The following CACNG2 variants were observed in gnomAD, a reference collection of about 807,000 sequenced individuals.
CACNG2 encodes the protein calcium voltage-gated channel auxiliary subunit gamma 2, also known as voltage-dependent calcium channel gamma-2 subunit.
Under a neutral mutation model 25.9 loss-of-function variants are expected in CACNG2, and 3 were observed. The ratio of observed to expected loss-of-function variants is 0.12; its 90% confidence interval spans 0.05 to 0.30. The LOEUF (loss-of-function observed/expected upper bound fraction) is 0.30. Ranked by LOEUF, CACNG2 falls within the 10% of genes least tolerant of loss-of-function variation. The pLI is 1.00. For missense variants in CACNG2, 341 were observed against 432.5 expected, an observed-to-expected ratio of 0.79 and a Z score of 1.88; for synonymous variants, 167 against 173.3, an observed-to-expected ratio of 0.96 and a Z score of 0.29.
At chr22:36,622,900 A>T (rs1314268362) in intron 1 of CACNG2, among the ~76,000 whole-genome samples, 1 of 150,912 alleles carries the variant, frequency 6.6e-6, no homozygotes, top group Non-Finnish European at 1.5e-5. Context: ...CAGAGGTTGC[A>T]GTGGGCCAAG....
At chr22:36,660,022 G>T (rs2145982568) in intron 1 of CACNG2, among the ~76,000 whole-genome samples, 1 of 152,294 alleles carries the variant, frequency 6.6e-6, no homozygotes, top group South Asian at 2.1e-4. Context: ...GAGCAGATGG[G>T]GACAATCCCC....
chr22:36,572,586 C>T (rs1935250667), intron 2 of CACNG2, among the ~76,000 whole-genome samples: 2 of 152,078 alleles, frequency 1.3e-5, no homozygotes, highest in African/African-American at 4.8e-5. Context: ...CCTGTAGTCC[C>T]AGCTACTCGG....
intron 1 of CACNG2, among the ~76,000 whole-genome samples, chr22:36,616,432 G>A (rs182772306): frequency 4.6e-5 from 7 of 152,194 alleles, no homozygotes; most frequent in East Asian, 1.9e-4. Flanking sequence ...AAGGCTGCAC[G>A]CCATAGTCTA....
intron 1 of CACNG2, among the ~76,000 whole-genome samples, chr22:36,650,077 C>G (rs983751156): frequency 1.3e-5 from 2 of 152,174 alleles, no homozygotes; most frequent in Non-Finnish European, 2.9e-5. Flanking sequence ...TCCTCCTTTG[C>G]CTTTCTGCTT....
At chr22:36,630,965 G>A (rs933612418) in intron 1 of CACNG2, among the ~76,000 whole-genome samples, 2 of 152,104 alleles carry the variant, frequency 1.3e-5, no homozygotes, top group African/African-American at 4.8e-5. Flanking sequence ...CAAGTAGCTG[G>A]GTCTATAGGT....
chr22:36,634,383 A>G (rs1344775272), intron 1 of CACNG2, among the ~76,000 whole-genome samples: 1 of 152,214 alleles, frequency 6.6e-6, no homozygotes. Flanking sequence ...TGACTTCAGA[A>G]GCTGTGTGTT....
intron 1 of CACNG2, among the ~76,000 whole-genome samples, chr22:36,657,893 C>A (rs1471040104): frequency 1.3e-5 from 2 of 151,868 alleles, no homozygotes; most frequent in East Asian, 3.9e-4. Context: ...GGTGCTGGGG[C>A]AAAGAAAATC....
At chr22:36,696,642 G>A (rs1937345209) in intron 1 of CACNG2, among the ~76,000 whole-genome samples, 2 of 152,190 alleles carry the variant, frequency 1.3e-5, no homozygotes, top group South Asian at 4.1e-4. Context: ...AGTGGTGAGA[G>A]ACAGACACCA....
chr22:36,634,668 C>T (rs1936328099), intron 1 of CACNG2, among the ~76,000 whole-genome samples: 2 of 152,212 alleles, frequency 1.3e-5, no homozygotes, highest in African/African-American at 4.8e-5. Context: ...TTAGCTCTTA[C>T]TATCCTCTTG....
chr22:36,642,049 T>C (rs1936449230), intron 1 of CACNG2, among the ~76,000 whole-genome samples: 1 of 152,028 alleles, frequency 6.6e-6, no homozygotes, highest in Admixed American at 6.5e-5. Context: ...TGATCCCTGC[T>C]GAGAGAGAGA....
intron 1 of CACNG2, among the ~76,000 whole-genome samples, chr22:36,660,899 C>A (rs1936782847): frequency 6.6e-6 from 1 of 152,208 alleles, no homozygotes; most frequent in Non-Finnish European, 1.5e-5. Context: ...CTCTGTGCCT[C>A]AGTTTCCTCA....
chr22:36,659,300 G>A (rs1179968906), intron 1 of CACNG2, among the ~76,000 whole-genome samples: 1 of 152,110 alleles, frequency 6.6e-6, no homozygotes, highest in Admixed American at 6.5e-5. Context: ...CTGGGACAGG[G>A]CCACGTGGAG....
chr22:36,652,523 A>G (rs1220773658), intron 1 of CACNG2, among the ~76,000 whole-genome samples: 1 of 152,198 alleles, frequency 6.6e-6, no homozygotes. Context: ...CTCAGGCCTC[A>G]GGCTCTTTCT....
intron 1 of CACNG2, among the ~76,000 whole-genome samples, chr22:36,670,398 T>C (rs994593990): frequency 3.3e-5 from 5 of 152,318 alleles, no homozygotes; most frequent in East Asian, 1.9e-4. Flanking sequence ...TTTGGGCTGA[T>C]TGGCTTGTTT....
chr22:36,594,608 A>T (rs112756128), intron 1 of CACNG2, among the ~76,000 whole-genome samples: 3,904 of 152,242 alleles, frequency 0.026, 123 homozygotes, highest in Admixed American at 0.084. Flanking sequence ...CCTCCTGAGG[A>T]GGAGCAGGTG....
At chr22:36,605,891 G>A (rs1935823923) in intron 1 of CACNG2, among the ~76,000 whole-genome samples, 1 of 152,184 alleles carries the variant, frequency 6.6e-6, no homozygotes, top group Non-Finnish European at 1.5e-5. Flanking sequence ...AAACAGGATG[G>A]TTCAAATGAC....
chr22:36,629,516 G>A (rs1000677872), intron 1 of CACNG2, among the ~76,000 whole-genome samples: 1 of 152,074 alleles, frequency 6.6e-6, no homozygotes, highest in Non-Finnish European at 1.5e-5. Flanking sequence ...TTGTGTGTGT[G>A]TGTGTGTTCG....
chr22:36,683,774 C>T (rs1002576543), intron 1 of CACNG2, among the ~76,000 whole-genome samples: 1 of 152,136 alleles, frequency 6.6e-6, no homozygotes, highest in Non-Finnish European at 1.5e-5. Context: ...CTCCTGAACA[C>T]CCTGGAGGAA....
intron 1 of CACNG2, among the ~76,000 whole-genome samples, chr22:36,593,151 C>T (rs1341607845): frequency 1.3e-5 from 2 of 152,242 alleles, no homozygotes; most frequent in Admixed American, 6.5e-5. Context: ...CCCCTTCCCC[C>T]AGCCAGCTTC....
Sources: gnomAD v4.1 joint callset for allele counts (sites outside exome capture counted in the v4.1 genomes callset) on GRCh38, gnomAD v4.1.1 for gene constraint, MANE v1.5 for transcripts, NCBI Gene and HGNC (gene_info 2026-07-23, HGNC 2026-07-21) for gene names.